The following CLCA4 variants were observed in gnomAD, a reference collection of about 807,000 sequenced individuals.
The protein encoded by CLCA4 is chloride channel accessory 4, also known as calcium-activated chloride channel regulator 4.
In CLCA4, 69 loss-of-function variants were observed where a neutral mutation model predicts 78.9. The observed-to-expected ratio is 0.87, with a 90% CI of 0.72 to 1.07. The LOEUF (loss-of-function observed/expected upper bound fraction) is 1.07, where lower values mean the gene tolerates loss of function less well. CLCA4 is among the 50% of genes least tolerant of loss of function. The pLI, the probability that CLCA4 is intolerant of heterozygous loss-of-function variation, is 0.00. For synonymous variants in CLCA4, 362 were observed against 375.8 expected, an observed-to-expected ratio of 0.96 and a Z score of 0.42; for missense variants, 1,133 against 1,095.8, an observed-to-expected ratio of 1.03 and a Z score of -0.48.
chr1:86,555,225 G>A (rs1320174263), intron 1 of CLCA4, among the ~76,000 whole-genome samples: 1 of 152,098 alleles, frequency 6.6e-6, no homozygotes, highest in Non-Finnish European at 1.5e-5. Context: ...GATTCCACTT[G>A]TCAATTTTTG....
Position 86,560,316 on chromosome 1 carries a change from G to C in CLCA4, c.406G>C (p.Asp136His). ...AGGCGAATACATTCACTTCACCCCT[G>C]ACCTTCTACTTGGAAAAAAACAAAA... ...EKGEYIHFTP[D>H]LLLGKKQNEY... The change falls in exon 3 of 14, where the codon GAC (aspartate) becomes CAC (histidine). Residue 136 changes from aspartate to histidine, a missense_variant. Transcript: ENST00000370563. 2 of 1,613,410 alleles carry C rather than the reference G, an allele frequency of 1.2e-6. No individual in the cohort carries two copies. Among genetic ancestry groups the C allele is most frequent in the Non-Finnish European group, 1.7e-6 (2 of 1,179,920 alleles).
intron 9 of CLCA4, chr1:86,573,088 C>T (rs1650402455): frequency 3.7e-6 from 1 of 273,386 alleles, no homozygotes; most frequent in Non-Finnish European, 7.2e-6. Flanking sequence ...CCATGCTTAA[C>T]TTCTATGATA....
intron 13 of CLCA4, 27 bp from the exon 14 acceptor site, chr1:86,579,915 A>G (rs1650654488): frequency 6.9e-7 from 1 of 1,448,460 alleles, no homozygotes; most frequent in Admixed American, 2.1e-5. Context: ...TGCAGTCTCT[A>G]AACTACATGT....
intron 8 of CLCA4, 79 bp downstream of exon 8, chr1:86,571,333 G>C: frequency 7.1e-7 from 1 of 1,407,066 alleles, no homozygotes; most frequent in Middle Eastern, 2.5e-4. Context: ...AACGTCTCTT[G>C]AGTTTCTGCC....
At chr1:86,553,543 C>T (rs984472501) in intron 1 of CLCA4, among the ~76,000 whole-genome samples, 1 of 152,240 alleles carries the variant, frequency 6.6e-6, no homozygotes, top group South Asian at 2.1e-4. Flanking sequence ...CTGCTTCCCG[C>T]CGCTCAGGGA....
chr1:86,548,742 A>C (rs1481499505), intron 1 of CLCA4, among the ~76,000 whole-genome samples: 1 of 151,984 alleles, frequency 6.6e-6, no homozygotes, highest in Non-Finnish European at 1.5e-5. Context: ...TATGGAGAAG[A>C]AAACAAAGTT....
Position 86,580,315 on chromosome 1 carries a change from T to A in CLCA4, c.2730T>A (p.Ile910=), listed in dbSNP as rs749605947. Residue 910 remains isoleucine (I), a synonymous_variant, in exon 14 of 14, where the codon ATT becomes ATA. Coordinates refer to ENST00000370563, the MANE Select transcript of CLCA4 (RefSeq NM_012128.4). ...LVLSVIGSVV[I]VNFILSTTI ...TGTCTGTGATTGGGTCTGTTGTAAT[T>A]GTTAACTTTATTTTAAGTACCACCA... The A allele has an allele frequency of 1.3e-5, 20 of 1,597,422 alleles. No homozygotes were observed. The highest frequency in any genetic ancestry group is 2.3e-5 in the South Asian group (2 of 87,180).
At chr1:86,552,807 C>T in intron 1 of CLCA4, 1 of 1,037,760 alleles carries the variant, frequency 9.6e-7, no homozygotes, top group Non-Finnish European at 1.5e-6. Context: ...CTGAAAACAG[C>T]TCTTCCATGT....
chr1:86,566,495 CA>C (rs1447232409), intron 6 of CLCA4, among the ~76,000 whole-genome samples: 2 of 151,978 alleles, frequency 1.3e-5, no homozygotes, highest in African/African-American at 4.8e-5. Flanking sequence ...CAAGTGGGTG[CA>C]ATGTGATAAG....
rs111412536 is a variant in CLCA4, at chr1:86,559,634, G to A, written c.160-298G>A. ...ATACTAACATTAGTATTAGAATCAC[G>A]TAAATGACTCCAAAGTCCATGTACA... On this transcript the variant is annotated intron_variant, in intron 1 of 13. Transcript: ENST00000370563. Among the ~76,000 whole-genome samples the A allele has an allele frequency of 1.0e-3, 154 of 152,292 alleles. 1 individual carries two copies. Among genetic ancestry groups the A allele is most frequent in the African/African-American group, 3.4e-3 (143 of 41,574 alleles).
chr1:86,564,365 T>G (rs564422456), intron 4 of CLCA4, among the ~76,000 whole-genome samples: 2 of 152,112 alleles, frequency 1.3e-5, no homozygotes, highest in Non-Finnish European at 2.9e-5. Flanking sequence ...AACTGAAAGG[T>G]ATATGATTTC....
chr1:86,558,886 T>C, intron 1 of CLCA4, among the ~76,000 whole-genome samples: 1 of 152,202 alleles, frequency 6.6e-6, no homozygotes. Context: ...CTCTTCTGGC[T>C]TGTAAGGTTT....
chr1:86,574,970 GAGA>G (rs1650465936), intron 10 of CLCA4, among the ~76,000 whole-genome samples: 1 of 152,042 alleles, frequency 6.6e-6, no homozygotes, highest in African/African-American at 2.4e-5. Flanking sequence ...AAGACTGTCT[GAGA>G]AGAACTTTAA....
At chr1:86,553,520 C>T (rs1016182574) in intron 1 of CLCA4, among the ~76,000 whole-genome samples, 1 of 152,224 alleles carries the variant, frequency 6.6e-6, no homozygotes, top group Non-Finnish European at 1.5e-5. Flanking sequence ...GCCGACGCCA[C>T]CGCCGCTGCC....
chr1:86,560,755 T>C (rs533544814), intron 3 of CLCA4, among the ~76,000 whole-genome samples: 50 of 152,332 alleles, frequency 3.3e-4, no homozygotes, highest in Non-Finnish European at 5.4e-4. Context: ...GCCAGATGTA[T>C]AGTAAGCTGG....
At position 86,567,694 on chromosome 1, in the gene CLCA4, T is replaced by G. The variant is rs772458111; in HGVS notation, c.1182+43T>G. 4.0e-6 allele frequency: 6 copies of G among 1,514,572 alleles called. No homozygotes were observed. In the African/African-American group the frequency reaches 8.3e-5, roughly 21 times the overall value. The allele number at this position is 1,514,572 out of a possible 1,614,324, so 93.8% of individuals were successfully genotyped here. ...AATATATTTTGGTTTTTGTTTCTTT[T>G]CAGGACATTTTCATGTTAAGTGGTA... On this transcript the variant is annotated intron_variant, in intron 7 of 13. Transcript: ENST00000370563.
intron 1 of CLCA4, chr1:86,552,745 C>T: frequency 7.0e-7 from 1 of 1,436,426 alleles, no homozygotes; most frequent in Non-Finnish European, 9.8e-7. Context: ...GCCCGGCACC[C>T]CCATCATGCC....
chr1:86,572,791 G>T (rs1328641760), intron 9 of CLCA4, 71 bp downstream of exon 9: 2 of 873,830 alleles, frequency 2.3e-6, no homozygotes, highest in Middle Eastern at 4.4e-4. Flanking sequence ...GTGGTTATAA[G>T]TTTTGAGTTC....
chr1:86,550,241 G>T (rs1164594044), intron 1 of CLCA4, among the ~76,000 whole-genome samples: 1 of 152,058 alleles, frequency 6.6e-6, no homozygotes, highest in Non-Finnish European at 1.5e-5. Flanking sequence ...TTGCTTATAG[G>T]TACCTTTTAA....
Sources: allele counts gnomAD v4.1 joint callset (sites outside exome capture counted in the v4.1 genomes callset), GRCh38; gene constraint gnomAD v4.1.1; transcripts MANE v1.5; gene names NCBI Gene and HGNC (gene_info 2026-07-23, HGNC 2026-07-21).